The following LSM14A variants were observed in gnomAD, a reference collection of about 807,000 sequenced individuals.
LSM14A encodes the protein LSM14A mRNA processing body assembly factor, also known as protein LSM14 homolog A.
LSM14A carries 14 observed loss-of-function variants against 52.4 expected under a neutral mutation model. The observed-to-expected ratio is 0.27, with a 90% CI of 0.18 to 0.42. The LOEUF is 0.42. Ranked by LOEUF, LSM14A falls within the 10% of genes least tolerant of loss-of-function variation. The pLI is 1.00. For missense variants in LSM14A, 417 were observed against 581.8 expected (o/e 0.72, Z 2.91); for synonymous variants, 185 against 200.3 (o/e 0.92, Z 0.64).
intron 3 of LSM14A, among the ~76,000 whole-genome samples, chr19:34,202,893 G>A (rs369467255): frequency 1.1e-4 from 17 of 152,118 alleles, no homozygotes; most frequent in East Asian, 5.8e-4. Flanking sequence ...TCCTGACCTC[G>A]TGATCCGCCC....
At chr19:34,218,170 A>G (rs1449486106) in intron 6 of LSM14A, among the ~76,000 whole-genome samples, 1 of 151,458 alleles carries the variant, frequency 6.6e-6, no homozygotes, top group East Asian at 1.9e-4. Flanking sequence ...CGCCTGGCTA[A>G]TGTTTCTGTA....
intron 3 of LSM14A, among the ~76,000 whole-genome samples, chr19:34,200,611 G>T (rs1270116206): frequency 6.6e-6 from 1 of 152,144 alleles, no homozygotes; most frequent in Non-Finnish European, 1.5e-5. Context: ...ATGAGTCTAG[G>T]TGAGGAATAT....
chr19:34,190,567 C>G (rs2070294040), intron 1 of LSM14A, among the ~76,000 whole-genome samples: 1 of 151,616 alleles, frequency 6.6e-6, no homozygotes, highest in African/African-American at 2.4e-5. Flanking sequence ...CAAGTGACTC[C>G]TACTTGACAT....
intron 1 of LSM14A, among the ~76,000 whole-genome samples, chr19:34,190,445 T>C (rs1179666865): frequency 6.6e-6 from 1 of 152,098 alleles, no homozygotes; most frequent in African/African-American, 2.4e-5. Context: ...TAGTTTTAAA[T>C]TCTACTATGG....
intron 3 of LSM14A, among the ~76,000 whole-genome samples, chr19:34,200,554 T>C (rs985318950): frequency 1.3e-5 from 2 of 152,130 alleles, no homozygotes; most frequent in African/African-American, 4.8e-5. Flanking sequence ...TATATTAAGG[T>C]ATAAAGATGG....
intron 9 of LSM14A, chr19:34,221,946 T>C (rs979745352): frequency 2.9e-6 from 2 of 699,438 alleles, no homozygotes; most frequent in African/African-American, 1.9e-5. Context: ...CTTTATTTCA[T>C]GTTAACAGAA....
intron 9 of LSM14A, among the ~76,000 whole-genome samples, chr19:34,222,429 T>A (rs1268980302): frequency 6.6e-6 from 1 of 152,222 alleles, no homozygotes; most frequent in East Asian, 1.9e-4. Context: ...TTTTGACAGG[T>A]GTCTGTAAAT....
At chr19:34,188,440 G>T (rs1022666006) in intron 1 of LSM14A, among the ~76,000 whole-genome samples, 1 of 152,090 alleles carries the variant, frequency 6.6e-6, no homozygotes, top group South Asian at 2.1e-4. Context: ...AGGTGTGTGC[G>T]CACATGTGTG....
chr19:34,185,261 C>T (rs1163281149), intron 1 of LSM14A, among the ~76,000 whole-genome samples: 1 of 152,094 alleles, frequency 6.6e-6, no homozygotes, highest in Non-Finnish European at 1.5e-5. Flanking sequence ...CATTGGGTCG[C>T]CAGTGCTTGG....
intron 4 of LSM14A, among the ~76,000 whole-genome samples, chr19:34,210,760 C>T (rs922789264): frequency 1.4e-4 from 20 of 147,466 alleles, no homozygotes; most frequent in African/African-American, 3.8e-4. Context: ...TTTGTAGGGA[C>T]GGGGTTTCGC....
At chr19:34,210,692 C>G (rs2072074304) in intron 4 of LSM14A, among the ~76,000 whole-genome samples, 1 of 152,088 alleles carries the variant, frequency 6.6e-6, no homozygotes, top group East Asian at 1.9e-4. Flanking sequence ...CCTCTACCTC[C>G]TGAGCTCAGG....
At chr19:34,177,012 A>T (rs1330799596) in intron 1 of LSM14A, among the ~76,000 whole-genome samples, 2 of 152,160 alleles carry the variant, frequency 1.3e-5, no homozygotes, top group Non-Finnish European at 2.9e-5. Context: ...CATTTCCCTC[A>T]TTACTAAATG....
At chr19:34,201,224 T>G (rs1038667464) in intron 3 of LSM14A, among the ~76,000 whole-genome samples, 3 of 152,138 alleles carry the variant, frequency 2.0e-5, no homozygotes, top group Non-Finnish European at 4.4e-5. Flanking sequence ...TCCATATTGG[T>G]TAGGATAATT....
intron 9 of LSM14A, chr19:34,226,322 C>G: frequency 1.1e-5 from 13 of 1,195,930 alleles, no homozygotes; most frequent in South Asian, 2.9e-5. Flanking sequence ...TGCTCTCTCT[C>G]CTCTCCCCCT....
intron 1 of LSM14A, 30 bp downstream of exon 1, chr19:34,172,793 C>G (rs2068792544): frequency 6.4e-7 from 1 of 1,550,536 alleles, no homozygotes; most frequent in South Asian, 1.2e-5. Flanking sequence ...AGGGTGGGGG[C>G]CGAGCCGGGC....
intron 1 of LSM14A, among the ~76,000 whole-genome samples, chr19:34,190,526 T>C (rs913456193): frequency 4.6e-5 from 7 of 151,694 alleles, no homozygotes; most frequent in Non-Finnish European, 8.8e-5. Flanking sequence ...CTTCGCTTAT[T>C]ATCAACTAGC....
intron 8 of LSM14A, chr19:34,221,297 A>G (rs510910): frequency 0.33 from 180,336 of 545,836 alleles, 32,787 homozygotes; most frequent in African/African-American, 0.4. Context: ...TGGCCAGGCT[A>G]GTCTCGAACT....
chr19:34,218,928 G>T (rs1599719589), intron 6 of LSM14A, among the ~76,000 whole-genome samples: 1 of 152,124 alleles, frequency 6.6e-6, no homozygotes, highest in East Asian at 1.9e-4. Context: ...GCCGATTAGT[G>T]TTTATTTTTC....
chr19:34,219,639 G>C, intron 7 of LSM14A, 66 bp downstream of exon 7: 1 of 1,570,164 alleles, frequency 6.4e-7, no homozygotes, highest in Non-Finnish European at 8.7e-7. Context: ...ATGTTTCTCA[G>C]ATTAGGTGTT....
Sources: gnomAD v4.1 joint callset for allele counts (sites outside exome capture counted in the v4.1 genomes callset) on GRCh38, gnomAD v4.1.1 for gene constraint, MANE v1.5 for transcripts, NCBI Gene and HGNC (gene_info 2026-07-23, HGNC 2026-07-21) for gene names.